Variants in IGFL2 observed in about 807,000 individuals in gnomAD.
IGFL2 encodes insulin growth factor-like family member 2.
A neutral mutation model predicts 13.9 loss-of-function variants in IGFL2; 7 were observed. The observed-to-expected ratio is 0.51, with a 90% CI of 0.29 to 0.95. The LOEUF is 0.95. Ranked by LOEUF, IGFL2 falls within the 40% of genes least tolerant of loss-of-function variation. The pLI is 0.08. For missense variants in IGFL2, 138 were observed against 147.8 expected (o/e 0.93, Z 0.34); for synonymous variants, 55 against 55.8 (o/e 0.99, Z 0.07).
chr19:46,134,620 T>A, the IGFL2 span, among the ~76,000 whole-genome samples: 3 of 151,964 alleles, frequency 2.0e-5, no homozygotes, highest in Non-Finnish European at 2.9e-5. Flanking sequence ...AGATAAGGAG[T>A]GTGCAACCTA....
At chr19:46,125,941 A>G in the IGFL2 span, among the ~76,000 whole-genome samples, 1 of 152,214 alleles carries the variant, frequency 6.6e-6, no homozygotes, top group African/African-American at 2.4e-5. Context: ...GGGCATTGGG[A>G]AGTTAATGTG....
the IGFL2 span, among the ~76,000 whole-genome samples, chr19:46,178,939 G>T: frequency 6.6e-6 from 1 of 152,192 alleles, no homozygotes; most frequent in Non-Finnish European, 1.5e-5. Context: ...ACTCACATTG[G>T]CTCAGAATAA....
chr19:46,180,036 C>T, the IGFL2 span, among the ~76,000 whole-genome samples: 1 of 152,134 alleles, frequency 6.6e-6, no homozygotes, highest in Non-Finnish European at 1.5e-5. Flanking sequence ...GACAAATACA[C>T]GCATCTGTGA....
chr19:46,171,649 G>C, the IGFL2 span, among the ~76,000 whole-genome samples: 1 of 152,176 alleles, frequency 6.6e-6, no homozygotes, highest in Non-Finnish European at 1.5e-5. Flanking sequence ...ACAGCCTGCT[G>C]TTTCTCATAT....
the IGFL2 span, among the ~76,000 whole-genome samples, chr19:46,089,116 C>T: frequency 6.6e-6 from 1 of 152,022 alleles, no homozygotes; most frequent in Non-Finnish European, 1.5e-5. Flanking sequence ...TATTTTGATT[C>T]CTTACTTTTT....
At chr19:46,107,476 G>T in the IGFL2 span, among the ~76,000 whole-genome samples, 3 of 151,638 alleles carry the variant, frequency 2.0e-5, no homozygotes, top group Admixed American at 6.6e-5. Flanking sequence ...GTGGGCATTC[G>T]TTGGCCCAGT....
chr19:46,132,936 A>T, the IGFL2 span, among the ~76,000 whole-genome samples: 4 of 152,062 alleles, frequency 2.6e-5, no homozygotes, highest in Non-Finnish European at 5.9e-5. Flanking sequence ...ACCACTAAGG[A>T]TTAGGAGAGG....
At chr19:46,166,857 G>A in the IGFL2 span, among the ~76,000 whole-genome samples, 3 of 152,138 alleles carry the variant, frequency 2.0e-5, no homozygotes, top group Non-Finnish European at 4.4e-5. Flanking sequence ...TCTCTTATTC[G>A]CTGAATAATT....
chr19:46,184,622 T>G, the IGFL2 span, among the ~76,000 whole-genome samples: 2 of 152,232 alleles, frequency 1.3e-5, no homozygotes, highest in Non-Finnish European at 2.9e-5. Context: ...TTCCATGGTA[T>G]GTATGTGCCA....
the IGFL2 span, among the ~76,000 whole-genome samples, chr19:46,079,715 G>A: frequency 2.0e-5 from 3 of 152,188 alleles, no homozygotes; most frequent in African/African-American, 7.2e-5. Context: ...ACTTTTCATG[G>A]TGGATGAGGG....
chr19:46,214,078 C>T, the IGFL2 span: 1 of 152,564 alleles, frequency 6.6e-6, no homozygotes, highest in African/African-American at 2.4e-5. Flanking sequence ...TGGGTCCCGC[C>T]CCATCCTGGC....
the IGFL2 span, among the ~76,000 whole-genome samples, chr19:46,093,320 G>A: frequency 2.0e-5 from 3 of 152,144 alleles, no homozygotes; most frequent in South Asian, 4.1e-4. Flanking sequence ...CACTGGAAGT[G>A]TATATGGGTT....
chr19:46,107,085 C>T, the IGFL2 span, among the ~76,000 whole-genome samples: 3 of 152,062 alleles, frequency 2.0e-5, no homozygotes, highest in African/African-American at 7.2e-5. Context: ...GAATGTTGTC[C>T]AAGTTGGCAC....
chr19:46,155,521 A>G (rs561295031), intron 1 of IGFL2, among the ~76,000 whole-genome samples: 1 of 152,288 alleles, frequency 6.6e-6, no homozygotes, highest in East Asian at 1.9e-4. Flanking sequence ...CTGAGACTTA[A>G]CTAGTTGTTT....
the IGFL2 span, among the ~76,000 whole-genome samples, chr19:46,199,388 G>A: frequency 1.1e-4 from 16 of 152,284 alleles, no homozygotes; most frequent in African/African-American, 3.4e-4. Flanking sequence ...CTCCAGTGCC[G>A]AAGACAGACC....
the IGFL2 span, chr19:46,136,652 T>C: frequency 2.4e-6 from 1 of 422,246 alleles, no homozygotes; most frequent in African/African-American, 2.1e-5. Context: ...TGTGCAGATA[T>C]TAATAAAAAA....
At chr19:46,136,792 G>A in the IGFL2 span, 17 of 665,986 alleles carry the variant, frequency 2.6e-5, no homozygotes, top group African/African-American at 2.7e-4. Flanking sequence ...ACCCGTTTGA[G>A]TGCAACATTC....
chr19:46,201,017 C>A, the IGFL2 span, among the ~76,000 whole-genome samples: 2 of 152,138 alleles, frequency 1.3e-5, no homozygotes, highest in African/African-American at 4.8e-5. Context: ...GTTATACCAC[C>A]CAATAAAATG....
the IGFL2 span, among the ~76,000 whole-genome samples, chr19:46,114,219 G>A: frequency 7.9e-5 from 12 of 152,196 alleles, no homozygotes; most frequent in African/African-American, 2.6e-4. Context: ...AGCCAAATAC[G>A]TACCCTAAAC....
Sources: gnomAD v4.1 joint callset for allele counts (sites outside exome capture counted in the v4.1 genomes callset) on GRCh38, gnomAD v4.1.1 for gene constraint, MANE v1.5 for transcripts, NCBI Gene and HGNC (gene_info 2026-07-23, HGNC 2026-07-21) for gene names.